SPSB4: variants seen among roughly 807,000 people sequenced by gnomAD.
The protein encoded by SPSB4 is SPRY domain-containing SOCS box protein 4.
Under a neutral mutation model 20.9 loss-of-function variants are expected in SPSB4, and 21 were observed. The observed-to-expected ratio is 1.01, with a 90% CI of 0.71 to 1.45. SPSB4 has a LOEUF of 1.45. SPSB4 is among the 40% of genes most tolerant of loss of function. SPSB4 has a pLI of 0.00. For missense variants in SPSB4, 399 were observed against 399.2 expected, an observed-to-expected ratio of 1.00 and a Z score of 0.00; for synonymous variants, 207 against 183.8, an observed-to-expected ratio of 1.13 and a Z score of -1.02.
At chr3:141,075,892 C>CAAAAAAAAAAAAAAAAAAAAAAAAAAAAA (rs532646509) in intron 2 of SPSB4, among the ~76,000 whole-genome samples, 1 of 68,836 alleles carries the variant, frequency 1.5e-5, no homozygotes, top group Non-Finnish European at 3.7e-5. Flanking sequence ...ACTAAAAATA[C>CAAAAAAAAAAAAAAAAAAAAAAAAAAAAA]AAAAAAAAAA....
At chr3:141,084,503 G>T (rs1372651021) in intron 2 of SPSB4, among the ~76,000 whole-genome samples, 2 of 152,220 alleles carry the variant, frequency 1.3e-5, no homozygotes, top group Non-Finnish European at 2.9e-5. Context: ...CTGCCCTGGG[G>T]CTTGGAACAT....
intron 2 of SPSB4, among the ~76,000 whole-genome samples, chr3:141,074,646 A>C (rs1559841773): frequency 6.6e-6 from 1 of 152,142 alleles, no homozygotes; most frequent in Non-Finnish European, 1.5e-5. Flanking sequence ...GTGTTTCTCT[A>C]AAAGGCCGCA....
At chr3:141,072,138 C>T (rs570040003) in intron 2 of SPSB4, among the ~76,000 whole-genome samples, 3 of 152,352 alleles carry the variant, frequency 2.0e-5, no homozygotes, top group South Asian at 4.1e-4. Context: ...AGGCCTCAGC[C>T]GAGGACTCTG....
At chr3:141,144,041 T>C (rs76287391) in intron 2 of SPSB4, among the ~76,000 whole-genome samples, 2,231 of 152,318 alleles carry the variant, frequency 0.015, 28 homozygotes, top group Middle Eastern at 0.027. Flanking sequence ...GCATAGACAA[T>C]CTTTGAATCA....
At chr3:141,062,382 T>A (rs1937783209) in intron 1 of SPSB4, among the ~76,000 whole-genome samples, 1 of 151,958 alleles carries the variant, frequency 6.6e-6, no homozygotes, top group African/African-American at 2.4e-5. Flanking sequence ...ATAGTTTATA[T>A]GTTTTATTGA....
chr3:141,066,303 G>C lies in SPSB4; in HGVS notation c.199G>C (p.Val67Leu). 3 of 1,574,154 alleles carry C rather than the reference G, an allele frequency of 1.9e-6. No homozygotes were observed. The South Asian group carries it at 3.5e-5, about 18-fold the overall frequency. ...NPEDRSLNVF[V>L]KDDDRLTFHR... ...CGAGGACCGCTCGCTCAACGTCTTC[G>C]TCAAGGACGACGACCGGCTCACCTT... The change falls in exon 2 of 3, where the codon GTC (valine) becomes CTC (leucine). Residue 67 changes from valine (V) to leucine (L), a missense_variant. Coordinates refer to ENST00000310546, the MANE Select transcript of SPSB4 (RefSeq NM_080862.3).
intron 2 of SPSB4, among the ~76,000 whole-genome samples, chr3:141,130,605 A>C (rs943808678): frequency 6.6e-6 from 1 of 152,160 alleles, no homozygotes; most frequent in Non-Finnish European, 1.5e-5. Context: ...CTTTTTTCAA[A>C]ATATAAATAC....
rs1168259034 is a variant in SPSB4 at position 141,066,196 on chromosome 3, C to A, written c.92C>A (p.Pro31His). Residue 31 changes from proline (P) to histidine (H), a missense_variant, in exon 2 of 3, where the codon CCC becomes CAC. Pro to His is a moderately conservative substitution (Grantham distance 77). Transcript: ENST00000310546. ...AAGCGGGAGCTGCGGGGTGCAGAGC[C>A]CGGGCGGCCGGCGCGGCTGGACCAG... ...PAKRELRGAE[P>H]GRPARLDQLL... 1 of 1,530,308 alleles carries A rather than the reference C, an allele frequency of 6.5e-7. No individual in the cohort carries two copies. Among genetic ancestry groups the A allele is most frequent in the Non-Finnish European group, 8.8e-7 (1 of 1,140,492 alleles). The allele number at this position is 1,530,308 out of a possible 1,614,324, so 94.8% of individuals were successfully genotyped here.
intron 1 of SPSB4, among the ~76,000 whole-genome samples, chr3:141,062,346 TATG>T (rs2107776898): frequency 6.6e-6 from 1 of 151,878 alleles, no homozygotes; most frequent in African/African-American, 2.4e-5. Context: ...CATAATATAA[TATG>T]ATACATTACA....
chr3:141,127,687 C>T (rs1214311369), intron 2 of SPSB4, among the ~76,000 whole-genome samples: 1 of 152,184 alleles, frequency 6.6e-6, no homozygotes. Context: ...GAGCCTCAGC[C>T]ATCACGCCAA....
chr3:141,066,326 C>T lies in SPSB4; in HGVS notation c.222C>T (p.Thr74=). Residue 74 remains threonine (T), a synonymous_variant, in exon 2 of 3, where the codon ACC becomes ACT. Transcript: ENST00000310546. ...TCGTCAAGGACGACGACCGGCTCAC[C>T]TTCCACCGGCACCCCGTGGCCCAGA... ...NVFVKDDDRL[T]FHRHPVAQST... is the part of the protein sequence containing the mutation. 1 of 1,570,606 alleles carries T rather than the reference C, an allele frequency of 6.4e-7. No individual in the cohort carries two copies. Among genetic ancestry groups the T allele is most frequent in the Non-Finnish European group, 8.6e-7 (1 of 1,159,868 alleles).
At chr3:141,064,589 G>A (rs920761260) in intron 1 of SPSB4, among the ~76,000 whole-genome samples, 11 of 152,224 alleles carry the variant, frequency 7.2e-5, no homozygotes, top group South Asian at 4.1e-4. Flanking sequence ...AGTTCTTTTC[G>A]TCCCTACCTG....
chr3:141,109,948 A>C (rs1938767343), intron 2 of SPSB4, among the ~76,000 whole-genome samples: 1 of 152,188 alleles, frequency 6.6e-6, no homozygotes, highest in Non-Finnish European at 1.5e-5. Context: ...TGGCAACTGC[A>C]CATTTTCATC....
At chr3:141,136,485 A>G (rs558854932) in intron 2 of SPSB4, among the ~76,000 whole-genome samples, 1 of 152,328 alleles carries the variant, frequency 6.6e-6, no homozygotes, top group South Asian at 2.1e-4. Flanking sequence ...CTAACATGTA[A>G]GTCTTTAATC....
At chr3:141,080,770 A>G (rs1189864777) in intron 2 of SPSB4, among the ~76,000 whole-genome samples, 3 of 152,186 alleles carry the variant, frequency 2.0e-5, no homozygotes, top group African/African-American at 7.2e-5. Context: ...CCTCCCTTGG[A>G]TATTTAAGGT....
At chr3:141,102,493 G>A (rs550977445) in intron 2 of SPSB4, among the ~76,000 whole-genome samples, 8 of 152,280 alleles carry the variant, frequency 5.3e-5, no homozygotes, top group African/African-American at 1.9e-4. Flanking sequence ...TAAGCTTAGA[G>A]GAGGAATTAA....
intron 1 of SPSB4, among the ~76,000 whole-genome samples, chr3:141,053,434 CCA>C (rs936177485): frequency 6.6e-6 from 1 of 152,030 alleles, no homozygotes; most frequent in Admixed American, 6.5e-5. Context: ...AAATATCTCT[CCA>C]GTTTGTATTT....
In SPSB4 at chr3:141,122,908, G is replaced by A. The variant is rs181204531; in HGVS notation, c.695-24234G>A. 8.5e-5 allele frequency among the ~76,000 whole-genome samples: 13 copies of A among 152,344 alleles called. No homozygotes were observed. In the East Asian group the frequency reaches 1.5e-3, roughly 18 times the overall value. On this transcript the variant is annotated intron_variant, in intron 2 of 2. Transcript: ENST00000310546. The stretch of plus-strand genomic sequence containing the variant: ...AACCCTTGTGCTTCTCTGGTGAGGC[G>A]ACGCCCCGTCCTGCTTCCGCTTGCC...
intron 2 of SPSB4, among the ~76,000 whole-genome samples, chr3:141,136,027 T>C (rs2107806257): frequency 6.6e-6 from 1 of 152,236 alleles, no homozygotes; most frequent in East Asian, 1.9e-4. Context: ...TTTTTAATGA[T>C]CGCCATTCTA....
Sources: allele counts gnomAD v4.1 joint callset (sites outside exome capture counted in the v4.1 genomes callset), GRCh38; gene constraint gnomAD v4.1.1; transcripts MANE v1.5; gene names NCBI Gene and HGNC (gene_info 2026-07-23, HGNC 2026-07-21).